Variants in OSBPL5 observed in about 807,000 individuals in gnomAD.
OSBPL5 encodes oxysterol-binding protein-related protein 5.
A neutral mutation model predicts 111.2 loss-of-function variants in OSBPL5; 71 were observed. That is an observed-to-expected ratio of 0.64 (90% CI 0.53 to 0.78). The LOEUF is 0.78. Ranked by LOEUF, OSBPL5 falls within the 30% of genes least tolerant of loss-of-function variation. OSBPL5 has a pLI of 0.00. For synonymous variants in OSBPL5, 549 were observed against 513.9 expected (o/e 1.07, Z -0.93); for missense variants, 1,210 against 1,189.3 (o/e 1.02, Z -0.26).
At chr11:3,156,719 T>C (rs1031394121) in intron 1 of OSBPL5, among the ~76,000 whole-genome samples, 1 of 152,248 alleles carries the variant, frequency 6.6e-6, no homozygotes, top group Non-Finnish European at 1.5e-5. Flanking sequence ...GCGTTTTCAT[T>C]AACGATATAG....
rs1170498104 is a variant in OSBPL5, at chr11:3,110,171, C to A, written c.692-2226G>T. Among the ~76,000 whole-genome samples, 2 of 152,168 alleles carry A rather than the reference C, an allele frequency of 1.3e-5. No individual in the cohort carries two copies. Among genetic ancestry groups the A allele is most frequent in the African/African-American group, 2.4e-5 (1 of 41,432 alleles). The stretch of plus-strand genomic sequence containing the variant: ...GACTCCAACCTGAGAGGCACCGGAG[C>A]CCCGTGGTCAAGGCCAGACTGCTTT... On this transcript the variant is annotated intron_variant, in intron 7 of 21. Coordinates refer to ENST00000263650, the MANE Select transcript of OSBPL5 (RefSeq NM_020896.4). The surrounding 1 kb of genome is among the most constrained non-coding windows in gnomAD (Gnocchi z 5.3).
In OSBPL5 at chr11:3,093,726, C is replaced by T. The variant is rs1470392095; in HGVS notation, c.1809+20G>A. ...GCGTTGACCGCCCGGCCGTGCCTGC[C>T]CTGAGGGACGGCCCCTTACCCAGTG... On this transcript the variant is annotated intron_variant, in intron 16 of 21. Transcript: ENST00000263650. 1 of 1,612,802 alleles carries T rather than the reference C, an allele frequency of 6.2e-7. No homozygotes were observed.
intron 1 of OSBPL5, among the ~76,000 whole-genome samples, chr11:3,131,725 T>TCCATCCATCCAC (rs1845795746): frequency 7.3e-6 from 1 of 137,682 alleles, no homozygotes; most frequent in Non-Finnish European, 1.5e-5. Flanking sequence ...CATCCATCCA[T>TCCATCCATCCAC]CCATCCATCC....
intron 10 of OSBPL5, among the ~76,000 whole-genome samples, chr11:3,103,881 TAGCCCCATTCCTGCCTCTGC>T (rs796220582): frequency 0.27 from 13,364 of 49,658 alleles, 1,087 homozygotes; most frequent in South Asian, 0.36. Flanking sequence ...CCTGCCTCTG[TAGCCCCATTCCTGCCTCTGC>T]AGCCCCCTTC....
rs1482324667 is a variant in OSBPL5, at chr11:3,106,381, C to T, written c.1059+882G>A. ...AATGACAAGATCCCAGATCACAGAGCCCCCCGTTCCTGACAGCCCCCACCC... is the reference window on the plus strand; with the variant it reads ...AATGACAAGATCCCAGATCACAGAGTCCCCCGTTCCTGACAGCCCCCACCC... On this transcript the variant is annotated intron_variant, in intron 9 of 21. Transcript: ENST00000263650. This position sits in a 1 kb window ranked among gnomAD's most constrained non-coding sequence, Gnocchi z 8.4. 6.6e-6 allele frequency among the ~76,000 whole-genome samples: 1 copy of T among 151,986 alleles called. No homozygotes were observed. Among genetic ancestry groups the T allele is most frequent in the African/African-American group, 2.4e-5 (1 of 41,388 alleles).
intron 7 of OSBPL5, among the ~76,000 whole-genome samples, chr11:3,112,062 T>TGTGCGC (rs75427714): frequency 1.6e-5 from 1 of 62,646 alleles, no homozygotes; most frequent in Admixed American, 1.4e-4. Context: ...TGTGCATGTG[T>TGTGCGC]ATGTGTGTGT....
intron 14 of OSBPL5, among the ~76,000 whole-genome samples, chr11:3,097,605 C>T (rs4758523): frequency 0.5 from 75,397 of 152,030 alleles, 19,858 homozygotes; most frequent in East Asian, 0.78. Context: ...GAATAATTAT[C>T]GAGCACCTTC....
At chr11:3,108,310 G>C (rs926981150) in intron 7 of OSBPL5, among the ~76,000 whole-genome samples, 6 of 151,478 alleles carry the variant, frequency 4.0e-5, no homozygotes, top group African/African-American at 1.5e-4. Context: ...TGGCATAAGT[G>C]ACCCCTCCAG....
chr11:3,126,660 G>A lies in OSBPL5; in HGVS notation c.137-105C>T, dbSNP rs1182089341. ...GGCGAAGCGTGGGTGCGGATGACCT[G>A]GGAGGGGCAGGAAGTCAGCCGGAGG... On this transcript the variant is annotated intron_variant, in intron 2 of 21. Coordinates refer to ENST00000263650, the MANE Select transcript of OSBPL5 (RefSeq NM_020896.4). This position sits in a 1 kb window ranked among gnomAD's most constrained non-coding sequence, Gnocchi z 6.5. 2.1e-6 allele frequency: 2 copies of A among 935,510 alleles called. No homozygotes were observed. The highest frequency in any genetic ancestry group is 1.6e-6 in the Non-Finnish European group (1 of 637,316). 58.0% of individuals were successfully genotyped at this position (935,510 alleles called of 1,614,324 possible). A position where few individuals can be genotyped will look rare whatever the true frequency, so the allele number is the denominator to read the frequency against.
rs1858801560 is a variant in OSBPL5, at chr11:3,130,882, G to A, written c.-21-1713C>T. Among the ~76,000 whole-genome samples the A allele has an allele frequency of 6.6e-6, 1 of 152,092 alleles. No individual in the cohort carries two copies. Among genetic ancestry groups the A allele is most frequent in the Non-Finnish European group, 1.5e-5 (1 of 68,004 alleles). On this transcript the variant is annotated intron_variant, in intron 1 of 21. Transcript: ENST00000263650. The surrounding 1 kb of genome is among the most constrained non-coding windows in gnomAD (Gnocchi z 4.5). Reference sequence around the variant, plus strand: ...CAGGTGCAGCTCAGGATGGGAACCAGCAGCTGAGCGGAGGCCGGGCTTACT... The same window carrying A: ...CAGGTGCAGCTCAGGATGGGAACCAACAGCTGAGCGGAGGCCGGGCTTACT...
At chr11:3,103,468 C>A (rs1857527290) in intron 10 of OSBPL5, 148 bp from the exon 11 acceptor site, 1 of 665,602 alleles carries the variant, frequency 1.5e-6, no homozygotes, top group Non-Finnish European at 2.5e-6. Context: ...CACCCCCAAG[C>A]AGGATAATTT....
chr11:3,150,850 G>A (rs1193308034), intron 1 of OSBPL5, among the ~76,000 whole-genome samples: 1 of 152,182 alleles, frequency 6.6e-6, no homozygotes, highest in African/African-American at 2.4e-5. Context: ...CCATGCCCCA[G>A]AATGCCACCC....
At position 3,095,310 on chromosome 11, in the gene OSBPL5, C is replaced by CAA. The variant is rs60973769; in HGVS notation, c.1622-978_1622-977dup. 5.7e-3 allele frequency among the ~76,000 whole-genome samples: 607 copies of CAA among 105,626 alleles called. 4 individuals are homozygous for CAA. The highest frequency in any genetic ancestry group is 0.02 in the African/African-American group (569 of 28,938). 69.3% of individuals were successfully genotyped at this position (105,626 alleles called of 152,430 possible). A position where few individuals can be genotyped will look rare whatever the true frequency, so the allele number is the denominator to read the frequency against. ...TGGGCAACAGAGTGAGACTCTGTCTCAAAAAAAAAAAAAAAAAAGAAAAGA... is the reference window on the plus strand; with the variant it reads ...TGGGCAACAGAGTGAGACTCTGTCTCAAAAAAAAAAAAAAAAAAAAGAAAAGA... On this transcript the variant is annotated intron_variant, in intron 14 of 21. Transcript: ENST00000263650.
rs965918642 is a variant in OSBPL5 at position 3,125,677 on chromosome 11, C to T, written c.219+796G>A. 2.6e-5 allele frequency among the ~76,000 whole-genome samples: 4 copies of T among 152,098 alleles called. No individual in the cohort carries two copies. In the East Asian group the frequency reaches 5.8e-4, roughly 22 times the overall value. The stretch of plus-strand genomic sequence containing the variant: ...AAAATTGGCCGGGCGTGGTGGCGGG[C>T]GCCTGTAGTCCCAGCTACTCGGGAG... On this transcript the variant is annotated intron_variant, in intron 3 of 21. Transcript: ENST00000263650.
In OSBPL5 at chr11:3,126,604, G is replaced by C. The variant is rs1858637182; in HGVS notation, c.137-49C>G. The C allele has an allele frequency of 6.6e-7, 1 of 1,515,394 alleles. No homozygotes were observed. 93.9% of individuals were successfully genotyped at this position (1,515,394 alleles called of 1,614,324 possible). ...GGACCCAGGCATGGTGGCGTGGCCAGGCTTCTCAGGCCGCTGCCTGGTGTG... is the reference window on the plus strand; with the variant it reads ...GGACCCAGGCATGGTGGCGTGGCCACGCTTCTCAGGCCGCTGCCTGGTGTG... On this transcript the variant is annotated intron_variant, in intron 2 of 21. Coordinates refer to ENST00000263650, the MANE Select transcript of OSBPL5 (RefSeq NM_020896.4). The surrounding 1 kb of genome is among the most constrained non-coding windows in gnomAD (Gnocchi z 6.5).
At chr11:3,133,449 G>A (rs374499715) in intron 1 of OSBPL5, among the ~76,000 whole-genome samples, 1 of 152,348 alleles carries the variant, frequency 6.6e-6, no homozygotes, top group South Asian at 2.1e-4. Flanking sequence ...CCCGGGCCAC[G>A]CTCCGGCCAC....
chr11:3,089,808 G>T, intron 21 of OSBPL5, 38 bp downstream of exon 21: 1 of 1,536,718 alleles, frequency 6.5e-7, no homozygotes, highest in South Asian at 1.2e-5. Context: ...CGCACTCTCT[G>T]ACCCGGAGTC....
At chr11:3,100,565 C>G (rs1857417498) in intron 13 of OSBPL5, among the ~76,000 whole-genome samples, 1 of 152,226 alleles carries the variant, frequency 6.6e-6, no homozygotes, top group South Asian at 2.1e-4. Context: ...CGACTGAGCC[C>G]TGCTCAGATT....
At chr11:3,150,407 G>GGGGAGGAACCCAGCAGCTCCTCCTCCTTA (rs1400308230) in intron 1 of OSBPL5, among the ~76,000 whole-genome samples, 14 of 152,252 alleles carry the variant, frequency 9.2e-5, no homozygotes, top group African/African-American at 3.4e-4. Flanking sequence ...ATGCAGCCTT[G>GGGGAGGAACCCAGCAGCTCCTCCTCCTTA]GGGAGGAACC....
Sources: allele counts gnomAD v4.1 joint callset (sites outside exome capture counted in the v4.1 genomes callset), GRCh38; gene constraint gnomAD v4.1.1; non-coding constraint Gnocchi (gnomAD v3.1); transcripts MANE v1.5; gene names NCBI Gene and HGNC (gene_info 2026-07-23, HGNC 2026-07-21).